TPM1: variants seen among roughly 807,000 people sequenced by gnomAD.
TPM1 encodes tropomyosin alpha-1 chain.
Under a neutral mutation model 42.9 loss-of-function variants are expected in TPM1, and 24 were observed. That is an observed-to-expected ratio of 0.56 (90% CI 0.41 to 0.79). The LOEUF (loss-of-function observed/expected upper bound fraction) is 0.79, where lower values mean the gene tolerates loss of function less well. Among genes scored for constraint, TPM1 ranks in the 30% least tolerant of loss-of-function variants. The pLI is 0.00. For missense variants in TPM1, 158 were observed against 351.8 expected, an observed-to-expected ratio of 0.45 and a Z score of 4.41; for synonymous variants, 136 against 130.1, an observed-to-expected ratio of 1.05 and a Z score of -0.31.
chr15:63,061,874 A>G, intron 6 of TPM1, 86 bp downstream of exon 6: 4 of 1,207,072 alleles, frequency 3.3e-6, no homozygotes, highest in Non-Finnish European at 4.9e-6. Context: ...CTTACAGTAG[A>G]CATTTTAGTA....
chr15:63,058,027 A>G (rs2035066078), intron 3 of TPM1, among the ~76,000 whole-genome samples: 1 of 152,182 alleles, frequency 6.6e-6, no homozygotes, highest in Non-Finnish European at 1.5e-5. Flanking sequence ...ACTAGGTACC[A>G]GGTATAAAGA....
intron 2 of TPM1, chr15:63,048,027 C>A (rs776293943): frequency 1.7e-4 from 52 of 313,812 alleles, no homozygotes; most frequent in Non-Finnish European, 2.5e-4. Context: ...TATAATCTTG[C>A]GGTTGGGATC....
chr15:63,048,431 C>A (rs1167754652), intron 2 of TPM1: 3 of 1,351,354 alleles, frequency 2.2e-6, no homozygotes, highest in African/African-American at 3.1e-5. Context: ...CTGCTCCTGG[C>A]CGCAGGGGGC....
chr15:63,049,622 C>G (rs1160835831), intron 2 of TPM1, among the ~76,000 whole-genome samples: 1 of 152,134 alleles, frequency 6.6e-6, no homozygotes, highest in Non-Finnish European at 1.5e-5. Context: ...GTATGATGTC[C>G]TGCTGTGCTT....
chr15:63,042,962 C>A lies in TPM1; in HGVS notation c.114+19C>A. ...CAAGCAGGTCTGCGCCTCCCCGGCC[C>A]TGCGCCCGCGCCCAGAGCGCCGGGA... is the stretch of plus-strand genomic sequence containing the variant. On this transcript the variant is annotated intron_variant, in intron 1 of 9. Transcript: ENST00000403994. 6.4e-7 allele frequency: 1 copy of A among 1,574,468 alleles called. No individual in the cohort carries two copies. Among genetic ancestry groups the A allele is most frequent in the Non-Finnish European group, 8.6e-7 (1 of 1,159,272 alleles).
intron 2 of TPM1, chr15:63,048,285 G>C (rs1458804928): frequency 6.1e-6 from 4 of 655,472 alleles, no homozygotes; most frequent in South Asian, 1.5e-5. Context: ...AGCGCGCCGG[G>C]AGCGCCTTTC....
chr15:63,063,014 T>G, intron 8 of TPM1: 1 of 1,341,950 alleles, frequency 7.5e-7, no homozygotes, highest in Non-Finnish European at 9.5e-7. Flanking sequence ...GTGATTGTGG[T>G]CTTGTTTTTA....
At chr15:63,064,210 G>A in intron 9 of TPM1, 68 bp downstream of exon 9, 1 of 1,573,252 alleles carries the variant, frequency 6.4e-7, no homozygotes, top group Non-Finnish European at 8.6e-7. Flanking sequence ...TCACCACCAT[G>A]CCTTCCTTGC....
intron 9 of TPM1, chr15:63,065,443 C>CA: frequency 1.0e-6 from 1 of 985,330 alleles, no homozygotes; most frequent in Non-Finnish European, 1.2e-6. Flanking sequence ...AGAATCCCCA[C>CA]AGTCAACAAA....
chr15:63,056,551 C>T (rs1036425897), intron 2 of TPM1: 4 of 229,262 alleles, frequency 1.7e-5, no homozygotes, highest in Non-Finnish European at 3.5e-5. Context: ...CCTGTAGTCC[C>T]AACTACTCGG....
At position 63,042,922 on chromosome 15, in the gene TPM1, G is replaced by C. The variant is rs770661916; in HGVS notation, c.93G>C (p.Ala31=). 5.0e-6 allele frequency: 8 copies of C among 1,605,148 alleles called. No individual in the cohort carries two copies. The highest frequency in any genetic ancestry group is 2.2e-5 in the South Asian group (2 of 89,844). ...RAEQAEADKK[A]AEDRSKQLED... ...AGCAGGCGGAGGCCGACAAGAAGGC[G>C]GCGGAAGACAGGAGCAAGCAGGTCT... Residue 31 remains alanine, a synonymous_variant, in exon 1 of 10, where the codon GCG becomes GCC. Coordinates refer to ENST00000403994, the MANE Select transcript of TPM1 (RefSeq NM_001018005.2).
chr15:63,043,934 CCTT>C (rs2031817761), intron 1 of TPM1, 90 bp from the exon 2 acceptor site: 2 of 1,559,288 alleles, frequency 1.3e-6, no homozygotes, highest in Non-Finnish European at 8.7e-7. Context: ...CTGTCCCTGT[CCTT>C]CTGGTTCTGT....
At chr15:63,048,719 AC>A (rs1566944199) in intron 2 of TPM1, 1 of 1,534,470 alleles carries the variant, frequency 6.5e-7, no homozygotes, top group Admixed American at 2.0e-5. Context: ...TAAGGGATAC[AC>A]CCATCACCCC....
chr15:63,056,378 G>T, intron 2 of TPM1: 1 of 157,830 alleles, frequency 6.3e-6, no homozygotes. Flanking sequence ...TGAACTCTAC[G>T]GAAGTGGGCC....
downstream of TPM1, among the ~76,000 whole-genome samples, chr15:63,067,168 A>T (rs1268050021): frequency 6.6e-6 from 1 of 152,186 alleles, no homozygotes; most frequent in African/African-American, 2.4e-5. Context: ...GAGAGGGCTG[A>T]TATACCACCA....
At chr15:63,057,558 A>G (rs1236675249) in intron 3 of TPM1, among the ~76,000 whole-genome samples, 4 of 149,392 alleles carry the variant, frequency 2.7e-5, no homozygotes, top group Admixed American at 1.4e-4. Flanking sequence ...TAGCTTAACA[A>G]ATAGGTGGAA....
At position 63,062,238 on chromosome 15, in the gene TPM1, T is replaced by G; in HGVS notation, c.663T>G (p.Tyr221Ter). ...AGTACTCGCAGAAGGAAGACAGATATGAGGAAGAGATCAAGGTCCTTTCCG... is the reference window on the plus strand; with the variant it reads ...AGTACTCGCAGAAGGAAGACAGATAGGAGGAAGAGATCAAGGTCCTTTCCG... Reference protein sequence around the residue: ...AEKYSQKEDRYEEEIKVLSDK... With the variant: ...AEKYSQKEDR The change falls in exon 7 of 10, where the codon TAT becomes TAG. Residue 221 changes from tyrosine (Y) to a stop codon, truncating the protein, a stop_gained. Transcript: ENST00000403994. LOFTEE classifies it high-confidence loss of function. The G allele has an allele frequency of 6.2e-7, 1 of 1,614,116 alleles. No homozygotes were observed. Among genetic ancestry groups the G allele is most frequent in the South Asian group, 1.1e-5 (1 of 91,080 alleles).
Position 63,071,442 on chromosome 15 carries a change from C to T in TPM1, c.*270C>T, listed in dbSNP as rs1004734419. On this transcript the variant is annotated 3_prime_UTR_variant, in exon 9 of 9. Coordinates refer to the TPM1 transcript ENST00000267996. ...AGTGTGCTTAGTCAGCGTAGGAATC[C>T]TCACTAAAGCAGAAGAAGTTCCATT... is the stretch of plus-strand genomic sequence containing the variant. The T allele has an allele frequency of 1.2e-5, 5 of 417,644 alleles. 1 individual carries two copies. The highest frequency in any genetic ancestry group is 8.4e-5 in the South Asian group (4 of 47,380). The allele number at this position is 417,644 out of a possible 1,614,324, so 25.9% of individuals were successfully genotyped here.
intron 4 of TPM1, chr15:63,059,941 G>A (rs3803502): frequency 4.1e-5 from 15 of 363,808 alleles, no homozygotes; most frequent in Admixed American, 1.5e-4. Flanking sequence ...ACAAAGACCC[G>A]GACAAAAGAT....
Sources: gnomAD v4.1 joint callset for allele counts (sites outside exome capture counted in the v4.1 genomes callset) on GRCh38, gnomAD v4.1.1 for gene constraint, MANE v1.5 for transcripts, NCBI Gene and HGNC (gene_info 2026-07-23, HGNC 2026-07-21) for gene names.